CNTNAP2: variants seen among roughly 807,000 people sequenced by gnomAD.
The protein encoded by CNTNAP2 is contactin associated protein 2, also known as contactin-associated protein-like 2.
Under a neutral mutation model 155.2 loss-of-function variants are expected in CNTNAP2, and 98 were observed. The observed-to-expected ratio is 0.63, with a 90% CI of 0.54 to 0.75. The LOEUF is 0.75. CNTNAP2 is among the 30% of genes least tolerant of loss of function. The pLI, the probability that CNTNAP2 is intolerant of heterozygous loss-of-function variation, is 0.00. For synonymous variants in CNTNAP2, 651 were observed against 631.2 expected (o/e 1.03, Z -0.47); for missense variants, 1,727 against 1,688.1 (o/e 1.02, Z -0.40).
intron 1 of CNTNAP2, among the ~76,000 whole-genome samples, chr7:146,414,002 A>G (rs888859607): frequency 2.0e-5 from 3 of 152,178 alleles, no homozygotes; most frequent in African/African-American, 7.2e-5. Context: ...AATTGATACA[A>G]GAAAACTTAA....
Position 146,192,198 on chromosome 7 carries a change from C to T in CNTNAP2, c.97+75225C>T, listed in dbSNP as rs147206600. 4.3e-3 allele frequency among the ~76,000 whole-genome samples: 652 copies of T among 152,216 alleles called. 3 individuals carry two copies. The highest frequency in any genetic ancestry group is 0.015 in the African/African-American group (616 of 41,546). On this transcript the variant is annotated intron_variant, in intron 1 of 23. Coordinates refer to ENST00000361727, the MANE Select transcript of CNTNAP2 (RefSeq NM_014141.6). The stretch of plus-strand genomic sequence containing the variant: ...GGGGTCCCTGACTTCCCACAACAAC[C>T]AATAACTTTATTTAGTACGTTTAAA...
chr7:147,166,974 A>T (rs9640494), intron 8 of CNTNAP2, among the ~76,000 whole-genome samples: 52,307 of 152,018 alleles, frequency 0.34, 9,844 homozygotes, highest in East Asian at 0.61. Flanking sequence ...TTTTTAAACA[A>T]ACCCAGTAGT....
chr7:146,328,772 C>T lies in CNTNAP2; in HGVS notation c.97+211799C>T, dbSNP rs1009682025. Among the ~76,000 whole-genome samples the T allele has an allele frequency of 3.9e-5, 6 of 152,188 alleles. No individual in the cohort carries two copies. In the South Asian group the frequency reaches 6.2e-4, roughly 16 times the overall value. ...ACTTTTGCTTTAGACTCCACATCTA[C>T]GTGAGATCACGCAATATTTGTCTTT... is the stretch of plus-strand genomic sequence containing the variant. On this transcript the variant is annotated intron_variant, in intron 1 of 23. Transcript: ENST00000361727.
intron 13 of CNTNAP2, among the ~76,000 whole-genome samples, chr7:147,833,128 T>G (rs1403743854): frequency 7.7e-6 from 1 of 129,540 alleles, no homozygotes; most frequent in Non-Finnish European, 1.7e-5. Flanking sequence ...TTTTCTTAGG[T>G]TTTTTTTTTT....
chr7:147,571,578 G>T (rs539584891), intron 12 of CNTNAP2, among the ~76,000 whole-genome samples: 2 of 152,086 alleles, frequency 1.3e-5, no homozygotes, highest in South Asian at 4.2e-4. Flanking sequence ...TATGCAACAG[G>T]ATTGAATGGA....
At chr7:146,653,066 T>C (rs537113887) in intron 1 of CNTNAP2, among the ~76,000 whole-genome samples, 2 of 152,304 alleles carry the variant, frequency 1.3e-5, no homozygotes, top group East Asian at 3.9e-4. Flanking sequence ...AAGCTAGAAA[T>C]TCTGTTCAGG....
intron 13 of CNTNAP2, among the ~76,000 whole-genome samples, chr7:147,726,187 G>A (rs1368746583): frequency 4.6e-5 from 7 of 151,964 alleles, no homozygotes; most frequent in Non-Finnish European, 8.8e-5. Context: ...TGTACAACGT[G>A]ATACCTATAG....
intron 1 of CNTNAP2, among the ~76,000 whole-genome samples, chr7:146,592,863 C>T (rs1798803612): frequency 1.3e-5 from 2 of 152,170 alleles, no homozygotes; most frequent in East Asian, 3.9e-4. Flanking sequence ...GCAGGCTGGA[C>T]AGAACCGCTA....
At chr7:146,278,812 A>G (rs1800204445) in intron 1 of CNTNAP2, among the ~76,000 whole-genome samples, 1 of 152,192 alleles carries the variant, frequency 6.6e-6, no homozygotes, top group Non-Finnish European at 1.5e-5. Flanking sequence ...TTCTGGTTGG[A>G]GCCCACTTTT....
intron 13 of CNTNAP2, among the ~76,000 whole-genome samples, chr7:147,815,870 T>C (rs923597475): frequency 1.3e-5 from 2 of 152,212 alleles, no homozygotes; most frequent in Admixed American, 1.3e-4. Context: ...AATCGAGTGA[T>C]GTCCACTGGC....
chr7:147,360,312 A>T (rs779410164), intron 9 of CNTNAP2, among the ~76,000 whole-genome samples: 6 of 152,130 alleles, frequency 3.9e-5, no homozygotes, highest in Non-Finnish European at 8.8e-5. Flanking sequence ...TTGAATTTTT[A>T]TGATATTTCA....
chr7:148,193,498 G>A (rs1333202020), intron 18 of CNTNAP2, among the ~76,000 whole-genome samples: 1 of 151,904 alleles, frequency 6.6e-6, no homozygotes, highest in African/African-American at 2.4e-5. Flanking sequence ...TTTTTTTGTG[G>A]AAGAAAGGGA....
intron 1 of CNTNAP2, among the ~76,000 whole-genome samples, chr7:146,254,655 G>T (rs1261936510): frequency 3.9e-5 from 6 of 152,106 alleles, no homozygotes; most frequent in African/African-American, 1.4e-4. Flanking sequence ...ACAATTTATT[G>T]TACCTTTTTT....
At chr7:148,022,635 G>GT (rs1257781814) in intron 15 of CNTNAP2, among the ~76,000 whole-genome samples, 2 of 151,990 alleles carry the variant, frequency 1.3e-5, no homozygotes, top group South Asian at 2.1e-4. Flanking sequence ...GGCGTGGCCT[G>GT]TTTTTTTGTT....
rs528618674 is a variant in CNTNAP2, at chr7:148,224,196, A to T, written c.3248-5450A>T. ...ACTGGCTGGGATGATATGATGTCAGAGCACCAGAAATAAGGCAGAGAGTAA... is the reference window on the plus strand; with the variant it reads ...ACTGGCTGGGATGATATGATGTCAGTGCACCAGAAATAAGGCAGAGAGTAA... On this transcript the variant is annotated intron_variant, in intron 19 of 23. Coordinates refer to ENST00000361727, the MANE Select transcript of CNTNAP2 (RefSeq NM_014141.6). Among the ~76,000 whole-genome samples, 9 of 152,374 alleles carry T rather than the reference A, an allele frequency of 5.9e-5. No individual in the cohort carries two copies. The South Asian group carries it at 1.2e-3, about 21-fold the overall frequency.
chr7:146,435,002 T>G (rs1020739939), intron 1 of CNTNAP2, among the ~76,000 whole-genome samples: 1 of 152,096 alleles, frequency 6.6e-6, no homozygotes, highest in African/African-American at 2.4e-5. Context: ...GTTGTGCAAC[T>G]CAGGAGCCAT....
chr7:146,164,012 C>A (rs1161989226), intron 1 of CNTNAP2, among the ~76,000 whole-genome samples: 3 of 152,096 alleles, frequency 2.0e-5, no homozygotes, highest in African/African-American at 7.2e-5. Context: ...ACACACAGTT[C>A]TGTTGATATT....
intron 13 of CNTNAP2, among the ~76,000 whole-genome samples, chr7:147,700,982 G>A (rs1796228578): frequency 6.6e-6 from 1 of 152,190 alleles, no homozygotes; most frequent in South Asian, 2.1e-4. Context: ...CTGAAGCTAA[G>A]AGGATGGATG....
chr7:146,469,518 C>CTTTTTT (rs544057518), intron 1 of CNTNAP2, among the ~76,000 whole-genome samples: 1 of 129,060 alleles, frequency 7.7e-6, no homozygotes, highest in Non-Finnish European at 1.6e-5. Context: ...TAATAATTGA[C>CTTTTTT]TTTTTTTTTT....
Sources: allele counts gnomAD v4.1 joint callset (sites outside exome capture counted in the v4.1 genomes callset), GRCh38; gene constraint gnomAD v4.1.1; transcripts MANE v1.5; gene names NCBI Gene and HGNC (gene_info 2026-07-23, HGNC 2026-07-21).